Variants in C12orf54 observed in about 807,000 individuals in gnomAD.
C12orf54 encodes the protein uncharacterized protein C12orf54.
C12orf54 carries 24 observed loss-of-function variants against 26.4 expected under a neutral mutation model. That is an observed-to-expected ratio of 0.91 (90% CI 0.66 to 1.28). The LOEUF (loss-of-function observed/expected upper bound fraction) is 1.28, where lower values mean the gene tolerates loss of function less well. Ranked by LOEUF, C12orf54 falls within the 50% of genes most tolerant of loss-of-function variation. C12orf54 has a pLI of 0.00. For missense variants in C12orf54, 154 were observed against 150.9 expected (o/e 1.02, Z -0.11); for synonymous variants, 54 against 47.0 (o/e 1.15, Z -0.61).
At chr12:48,472,680 T>C in the C12orf54 span, 1 of 1,614,090 alleles carries the variant, frequency 6.2e-7, no homozygotes, top group East Asian at 2.2e-5. Flanking sequence ...GATGGGCAAA[T>C]GGATTCATTT....
chr12:48,457,095 G>T, the C12orf54 span, among the ~76,000 whole-genome samples: 1 of 151,980 alleles, frequency 6.6e-6, no homozygotes. Flanking sequence ...CTATTAATAT[G>T]TGGTCTCTGT....
At chr12:48,488,683 T>C (rs1937714795) in intron 4 of C12orf54, among the ~76,000 whole-genome samples, 1 of 152,228 alleles carries the variant, frequency 6.6e-6, no homozygotes, top group African/African-American at 2.4e-5. Context: ...CCCAGTCTTC[T>C]TTAAATACTT....
the C12orf54 span, among the ~76,000 whole-genome samples, chr12:48,433,807 C>T: frequency 6.6e-6 from 1 of 152,152 alleles, no homozygotes; most frequent in South Asian, 2.1e-4. Context: ...CAAATAGGAA[C>T]AGCTCCAGCC....
upstream of C12orf54, among the ~76,000 whole-genome samples, chr12:48,478,081 G>A (rs1419329977): frequency 1.3e-5 from 2 of 152,162 alleles, no homozygotes; most frequent in African/African-American, 4.8e-5. Context: ...TGGGATGCAA[G>A]GCTGGTTCAA....
the C12orf54 span, among the ~76,000 whole-genome samples, chr12:48,451,381 T>A: frequency 3.3e-5 from 5 of 151,860 alleles, no homozygotes; most frequent in East Asian, 1.9e-4. Flanking sequence ...ACAGCCAATA[T>A]CATACTGAAT....
chr12:48,472,803 T>C, the C12orf54 span: 14 of 1,614,078 alleles, frequency 8.7e-6, no homozygotes, highest in Non-Finnish European at 1.0e-5. Flanking sequence ...ACTGGAATTA[T>C]TAAATACAAT....
At chr12:48,476,700 C>A in the C12orf54 span, among the ~76,000 whole-genome samples, 13 of 150,584 alleles carry the variant, frequency 8.6e-5, no homozygotes, top group Admixed American at 2.0e-4. Context: ...AGCTAACTAT[C>A]CTAAATATAT....
the C12orf54 span, among the ~76,000 whole-genome samples, chr12:48,433,461 G>T: frequency 6.0e-5 from 9 of 149,646 alleles, no homozygotes; most frequent in East Asian, 6.1e-4. Context: ...TTTTTGGGGG[G>T]GGGGGGGGCA....
In C12orf54 at chr12:48,496,186, C is replaced by G. The variant is rs934122818; in HGVS notation, c.*46C>G. 1 of 152,352 alleles carries G rather than the reference C, an allele frequency of 6.6e-6. No homozygotes were observed. Among genetic ancestry groups the G allele is most frequent in the Non-Finnish European group, 1.5e-5 (1 of 68,042 alleles). The allele number at this position is 152,352 out of a possible 1,614,324, so 9.4% of individuals were successfully genotyped here. ...TATGACTATGTCATCTACAGCACAG[C>G]TTCAGTTGGGGAAGATATTAGCAGA... On this transcript the variant is annotated 3_prime_UTR_variant, in exon 9 of 9. Coordinates refer to ENST00000548364, the MANE Select transcript of C12orf54 (RefSeq NM_152319.4).
the C12orf54 span, among the ~76,000 whole-genome samples, chr12:48,459,118 A>T: frequency 1.3e-5 from 2 of 152,184 alleles, no homozygotes; most frequent in Non-Finnish European, 2.9e-5. Context: ...TTACTTGCTT[A>T]AATATTATGA....
chr12:48,431,002 C>G, the C12orf54 span, among the ~76,000 whole-genome samples: 24 of 152,300 alleles, frequency 1.6e-4, no homozygotes, highest in South Asian at 4.6e-3. Flanking sequence ...TCACAGCAAC[C>G]TGGGTGAGAC....
chr12:48,466,529 C>T, the C12orf54 span, among the ~76,000 whole-genome samples: 12 of 121,600 alleles, frequency 9.9e-5, no homozygotes, highest in South Asian at 2.2e-3. Context: ...AGGCAACAAG[C>T]GTGAAACTTT....
chr12:48,487,958 AAGAAGAACTGGGTT>A, intron 4 of C12orf54: 1 of 719,826 alleles, frequency 1.4e-6, no homozygotes, highest in Non-Finnish European at 2.5e-6. Context: ...GTTGATACCT[AAGAAGAACTGGGTT>A]GCCATTTATG....
At chr12:48,460,646 T>C in the C12orf54 span, among the ~76,000 whole-genome samples, 4 of 152,142 alleles carry the variant, frequency 2.6e-5, no homozygotes, top group African/African-American at 9.7e-5. Context: ...ACAACAATAA[T>C]AGCACAAAGG....
chr12:48,423,481 A>G, the C12orf54 span, among the ~76,000 whole-genome samples: 1 of 152,214 alleles, frequency 6.6e-6, no homozygotes, highest in African/African-American at 2.4e-5. Context: ...GATGGTTCGC[A>G]AAAAGTGAAA....
upstream of C12orf54, among the ~76,000 whole-genome samples, chr12:48,480,779 C>T (rs1036296147): frequency 1.3e-5 from 2 of 152,122 alleles, no homozygotes; most frequent in Non-Finnish European, 2.9e-5. Context: ...CAGCACTATT[C>T]ACAATAGCAA....
chr12:48,456,895 C>A, the C12orf54 span, among the ~76,000 whole-genome samples: 1 of 151,930 alleles, frequency 6.6e-6, no homozygotes, highest in Non-Finnish European at 1.5e-5. Context: ...GAAAAGTGTG[C>A]ATCTTCAAAT....
At chr12:48,421,728 C>T in the C12orf54 span, among the ~76,000 whole-genome samples, 3 of 151,982 alleles carry the variant, frequency 2.0e-5, no homozygotes, top group Non-Finnish European at 4.4e-5. Context: ...CGGGGTTTCA[C>T]CATGTTGGCC....
At chr12:48,483,669 A>G (rs1246245127) in intron 2 of C12orf54, 3 of 235,998 alleles carry the variant, frequency 1.3e-5, no homozygotes, top group East Asian at 9.8e-5. Flanking sequence ...TATATCCTCT[A>G]TAGTGTAAAT....
Sources: gnomAD v4.1 joint callset for allele counts (sites outside exome capture counted in the v4.1 genomes callset) on GRCh38, gnomAD v4.1.1 for gene constraint, MANE v1.5 for transcripts, NCBI Gene and HGNC (gene_info 2026-07-23, HGNC 2026-07-21) for gene names.